Variants in SMAD2 observed in about 807,000 individuals in gnomAD.
SMAD2 encodes the protein SMAD family member 2.
Under a neutral mutation model 64.4 loss-of-function variants are expected in SMAD2, and 8 were observed. That is an observed-to-expected ratio of 0.12 (90% CI 0.07 to 0.22). SMAD2 has a LOEUF of 0.22. Among genes scored for constraint, SMAD2 ranks in the 10% least tolerant of loss-of-function variants. The probability of loss-of-function intolerance (pLI) is 1.00; values close to 1 mark genes in which losing one functional copy is unlikely to be tolerated. For missense variants in SMAD2, 289 were observed against 561.2 expected, an observed-to-expected ratio of 0.51 and a Z score of 4.90; for synonymous variants, 203 against 195.8, an observed-to-expected ratio of 1.04 and a Z score of -0.31.
intron 10 of SMAD2, 152 bp from the exon 11 acceptor site, chr18:47,842,102 CTCAAAG>C (rs1450362071): frequency 8.8e-6 from 7 of 791,942 alleles, no homozygotes; most frequent in Admixed American, 4.2e-5. Context: ...ATGGTTGATC[CTCAAAG>C]TCAAAGTACT....
chr18:47,930,534 GC>G lies in SMAD2; in HGVS notation c.-228del, dbSNP rs2034965791. ...CTTCCCGCCCCGCCCCCAGGCCCGG[GC>G]CCGGCCGGCGGCCCGGGCGCGCGGG... On this transcript the variant is annotated 5_prime_UTR_variant, in exon 1 of 11. Transcript: ENST00000262160. 2 of 150,146 alleles carry G rather than the reference GC, an allele frequency of 1.3e-5. No homozygotes were observed. Among genetic ancestry groups the G allele is most frequent in the Non-Finnish European group, 3.0e-5 (2 of 67,154 alleles). The allele number at this position is 150,146 out of a possible 1,614,324, so 9.3% of individuals were successfully genotyped here. A position where few individuals can be genotyped will look rare whatever the true frequency, so the allele number is the denominator to read the frequency against.
intron 6 of SMAD2, among the ~76,000 whole-genome samples, chr18:47,857,015 G>C (rs920865245): frequency 3.3e-5 from 5 of 151,508 alleles, no homozygotes; most frequent in Non-Finnish European, 4.4e-5. Context: ...CCGCCACTAC[G>C]CCCGGCTAAT....
rs1227671032 is a variant in SMAD2 at position 47,841,503 on chromosome 18, A to C, written c.*324T>G. 2.3e-6 allele frequency: 1 copy of C among 442,196 alleles called. No homozygotes were observed. The highest frequency in any genetic ancestry group is 2.0e-5 in the African/African-American group (1 of 51,224). The allele number at this position is 442,196 out of a possible 1,614,324, so 27.4% of individuals were successfully genotyped here. ...AAACAGCACAATACTGTGATACTGG[A>C]TCATGATACATTACCTGTACACATA... On this transcript the variant is annotated 3_prime_UTR_variant, in exon 11 of 11. Coordinates refer to ENST00000262160, the MANE Select transcript of SMAD2 (RefSeq NM_005901.6).
rs1042909234 is a variant in SMAD2 at position 47,817,122 on chromosome 18, C to T, written c.*24705G>A. ...CAAATAGAGTTTTCTTTTAGAGAGC[C>T]TCTCTCTGTGTTGACATAAATGGTG... On this transcript the variant is annotated 3_prime_UTR_variant, in exon 11 of 11. Transcript: ENST00000262160. 3.9e-5 allele frequency: 6 copies of T among 152,178 alleles called. No individual in the cohort carries two copies. Among genetic ancestry groups the T allele is most frequent in the African/African-American group, 1.4e-4 (6 of 41,444 alleles). 9.4% of individuals were successfully genotyped at this position (152,178 alleles called of 1,614,324 possible).
intron 2 of SMAD2, among the ~76,000 whole-genome samples, chr18:47,890,006 G>A (rs185265546): frequency 6.6e-6 from 1 of 152,242 alleles, no homozygotes; most frequent in East Asian, 1.9e-4. Flanking sequence ...AAGGTCCTAG[G>A]GCAGGTAGGT....
At chr18:47,885,922 A>G (rs2032877155) in intron 2 of SMAD2, among the ~76,000 whole-genome samples, 1 of 152,202 alleles carries the variant, frequency 6.6e-6, no homozygotes, top group Non-Finnish European at 1.5e-5. Flanking sequence ...ACACTGCACT[A>G]CTGCACTCCA....
rs1912476633 is a variant in SMAD2 at position 47,819,170 on chromosome 18, A to T, written c.*22657T>A. 1 of 152,254 alleles carries T rather than the reference A, an allele frequency of 6.6e-6. No homozygotes were observed. Among genetic ancestry groups the T allele is most frequent in the African/African-American group, 2.4e-5 (1 of 41,470 alleles). The allele number at this position is 152,254 out of a possible 1,614,324, so 9.4% of individuals were successfully genotyped here. A position where few individuals can be genotyped will look rare whatever the true frequency, so the allele number is the denominator to read the frequency against. On this transcript the variant is annotated 3_prime_UTR_variant, in exon 11 of 11. Coordinates refer to ENST00000262160, the MANE Select transcript of SMAD2 (RefSeq NM_005901.6). ...CTTAAACATCTGATAAGCTGGTTTT[A>T]AAATAATTGGTAAATCAAAAATAAG... is the stretch of plus-strand genomic sequence containing the variant.
chr18:47,925,330 A>G (rs2034720350), intron 1 of SMAD2, among the ~76,000 whole-genome samples: 1 of 152,238 alleles, frequency 6.6e-6, no homozygotes, highest in Non-Finnish European at 1.5e-5. Context: ...ACAAACCTAA[A>G]GATACATCAA....
chr18:47,859,071 A>T (rs2030953709), intron 6 of SMAD2, among the ~76,000 whole-genome samples: 1 of 152,150 alleles, frequency 6.6e-6, no homozygotes, highest in Admixed American at 6.5e-5. Context: ...ATGTAACCAG[A>T]GGTAAGAAAG....
At chr18:47,926,675 T>C (rs539639590) in intron 1 of SMAD2, among the ~76,000 whole-genome samples, 66 of 152,376 alleles carry the variant, frequency 4.3e-4, no homozygotes, top group Admixed American at 2.7e-3. Flanking sequence ...CTTTAAGCTA[T>C]GGACTGGGAC....
Position 47,848,695 on chromosome 18 carries a change from A to G in SMAD2, c.785-8T>C, listed in dbSNP as rs781487507. 3.8e-6 allele frequency: 6 copies of G among 1,585,436 alleles called. No individual in the cohort carries two copies. In the African/African-American group the frequency reaches 5.4e-5, roughly 14 times the overall value. ...AAGTAACTGGCTGTAAATCTGAAAAAGAAAAAAATAAAAAAATAATAAAAG... is the reference window on the plus strand; with the variant it reads ...AAGTAACTGGCTGTAAATCTGAAAAGGAAAAAAATAAAAAAATAATAAAAG... On this transcript the variant is annotated splice_region_variant and splice_polypyrimidine_tract_variant and intron_variant, in intron 7 of 10. Transcript: ENST00000262160.
At chr18:47,863,030 T>C (rs2031301390) in intron 6 of SMAD2, among the ~76,000 whole-genome samples, 1 of 152,130 alleles carries the variant, frequency 6.6e-6, no homozygotes, top group Non-Finnish European at 1.5e-5. Flanking sequence ...GTTCGTACAC[T>C]TACTTATTAT....
chr18:47,897,664 T>C (rs1020342119), intron 1 of SMAD2, among the ~76,000 whole-genome samples: 1 of 152,218 alleles, frequency 6.6e-6, no homozygotes, highest in Non-Finnish European at 1.5e-5. Flanking sequence ...CTTAATTCCC[T>C]GTAGGTCATT....
At position 47,830,797 on chromosome 18, in the gene SMAD2, G is replaced by A. The variant is rs529043769; in HGVS notation, c.*11030C>T. On this transcript the variant is annotated 3_prime_UTR_variant, in exon 11 of 11. Coordinates refer to ENST00000262160, the MANE Select transcript of SMAD2 (RefSeq NM_005901.6). ...AATGAATTTCTTAAGTTCAAGATAC[G>A]TACTCTCAATGGAGAATCGCTGTTG... The A allele has an allele frequency of 1.2e-4, 19 of 156,586 alleles. No homozygotes were observed. The highest frequency in any genetic ancestry group is 2.6e-4 in the Admixed American group (4 of 15,358). 9.7% of individuals were successfully genotyped at this position (156,586 alleles called of 1,614,324 possible).
intron 5 of SMAD2, 103 bp downstream of exon 5, chr18:47,868,220 A>T (rs1251930887): frequency 2.0e-6 from 2 of 1,000,856 alleles, no homozygotes; most frequent in African/African-American, 3.2e-5. Context: ...AAAAACTCAA[A>T]AGCATTTTTA....
At chr18:47,859,060 C>A (rs2030952290) in intron 6 of SMAD2, among the ~76,000 whole-genome samples, 1 of 152,002 alleles carries the variant, frequency 6.6e-6, no homozygotes, top group Non-Finnish European at 1.5e-5. Flanking sequence ...AAAAATATAT[C>A]ATGTAACCAG....
rs540914141 is a variant in SMAD2, at chr18:47,835,436, A to C, written c.*6391T>G. ...AAAAGGATCCTCCTGTTTCTCATCA[A>C]ATTTTTTTTCAGCTCGAACAATCCA... On this transcript the variant is annotated 3_prime_UTR_variant, in exon 11 of 11. Transcript: ENST00000262160. The C allele has an allele frequency of 9.9e-6, 2 of 201,566 alleles. No homozygotes were observed. The highest frequency in any genetic ancestry group is 7.7e-5 in the East Asian group (1 of 13,056). 12.5% of individuals were successfully genotyped at this position (201,566 alleles called of 1,614,324 possible).
intron 1 of SMAD2, among the ~76,000 whole-genome samples, chr18:47,914,818 GTTACT>G (rs1354310680): frequency 1.3e-5 from 2 of 151,994 alleles, no homozygotes. Context: ...AGTATTGCTG[GTTACT>G]TTAAGTTTAG....
In SMAD2 at chr18:47,839,374, AAAG is replaced by A. The variant is rs1202485342; in HGVS notation, c.*2450_*2452del. 1 of 233,240 alleles carries A rather than the reference AAAG, an allele frequency of 4.3e-6. No homozygotes were observed. Among genetic ancestry groups the A allele is most frequent in the African/African-American group, 2.2e-5 (1 of 45,342 alleles). The allele number at this position is 233,240 out of a possible 1,614,324, so 14.4% of individuals were successfully genotyped here. A position where few individuals can be genotyped will look rare whatever the true frequency, so the allele number is the denominator to read the frequency against. On this transcript the variant is annotated 3_prime_UTR_variant, in exon 11 of 11. Transcript: ENST00000262160. ...ACCATTACAAGTTCTCAAGTAAGAAAAAGAAGGGCAGAGGCTCCACTGAGTATC... is the reference window on the plus strand; with the variant it reads ...ACCATTACAAGTTCTCAAGTAAGAAAAAGGGCAGAGGCTCCACTGAGTATC...
Sources: allele counts gnomAD v4.1 joint callset (sites outside exome capture counted in the v4.1 genomes callset), GRCh38; gene constraint gnomAD v4.1.1; transcripts MANE v1.5; gene names NCBI Gene and HGNC (gene_info 2026-07-23, HGNC 2026-07-21).